The following STK40 variants were observed in gnomAD, a reference collection of about 807,000 sequenced individuals.
STK40 encodes serine/threonine kinase 40.
A neutral mutation model predicts 47.9 loss-of-function variants in STK40; 13 were observed. That is an observed-to-expected ratio of 0.27 (90% CI 0.18 to 0.43). STK40 has a LOEUF of 0.43. Among genes scored for constraint, STK40 ranks in the 20% least tolerant of loss-of-function variants. STK40 has a pLI of 1.00. For synonymous variants in STK40, 225 were observed against 243.2 expected, an observed-to-expected ratio of 0.93 and a Z score of 0.69; for missense variants, 460 against 595.1, an observed-to-expected ratio of 0.77 and a Z score of 2.36.
intron 6 of STK40, among the ~76,000 whole-genome samples, chr1:36,351,292 CT>C (rs1049822331): frequency 6.8e-6 from 1 of 147,922 alleles, no homozygotes; most frequent in Admixed American, 6.6e-5. Context: ...ACACCTCCCC[CT>C]GTCTGCTCCT....
intron 2 of STK40, among the ~76,000 whole-genome samples, 170 bp downstream of exon 2, chr1:36,361,049 CAT>C (rs1392858521): frequency 6.6e-6 from 1 of 152,194 alleles, no homozygotes; most frequent in African/African-American, 2.4e-5. Flanking sequence ...CTGATATAAA[CAT>C]ATTCTGTTTC....
Position 36,369,164 on chromosome 1 carries a change from T to TG in STK40, c.-8-7825dup, listed in dbSNP as rs200581432. On this transcript the variant is annotated intron_variant, in intron 1 of 10. Transcript: ENST00000373132. ...ACTGTGCTATTATCAAAGAATTGGT[T>TG]GGGGGGGCGGGGCCTCCATGCAATC... 8.9e-3 allele frequency among the ~76,000 whole-genome samples: 1,362 copies of TG among 152,196 alleles called. 20 individuals carry two copies. Among genetic ancestry groups the TG allele is most frequent in the African/African-American group, 0.031 (1,279 of 41,520 alleles).
rs115248094 is a variant in STK40 at position 36,365,674 on chromosome 1, C to T, written c.-8-4334G>A. Among the ~76,000 whole-genome samples the T allele has an allele frequency of 8.6e-3, 1,308 of 152,296 alleles. 18 individuals are homozygous for T. Among genetic ancestry groups the T allele is most frequent in the African/African-American group, 0.029 (1,224 of 41,570 alleles). On this transcript the variant is annotated intron_variant, in intron 1 of 10. Transcript: ENST00000373132. The stretch of plus-strand genomic sequence containing the variant: ...CTGCTCTTTGCTTGCCTAACTCCTA[C>T]GCATCCTTCTCAATCTAAGTATCAC...
intron 2 of STK40, among the ~76,000 whole-genome samples, chr1:36,360,588 T>C (rs983430266): frequency 6.6e-6 from 1 of 152,086 alleles, no homozygotes; most frequent in African/African-American, 2.4e-5. Context: ...TAGGCTGGAA[T>C]GCAGTGGCGT....
chr1:36,351,453 C>G (rs572683750), intron 6 of STK40, among the ~76,000 whole-genome samples: 1 of 152,008 alleles, frequency 6.6e-6, no homozygotes, highest in Non-Finnish European at 1.5e-5. Flanking sequence ...GGCCCCAGAG[C>G]GGAGGGTGTG....
At chr1:36,364,913 G>T (rs868202246) in intron 1 of STK40, among the ~76,000 whole-genome samples, 4 of 151,312 alleles carry the variant, frequency 2.6e-5, no homozygotes, top group Non-Finnish European at 4.4e-5. Context: ...CCTGGAAGCC[G>T]TCTCCTACTC....
intron 6 of STK40, among the ~76,000 whole-genome samples, chr1:36,353,293 G>A (rs1312729228): frequency 6.6e-6 from 1 of 152,234 alleles, no homozygotes; most frequent in Non-Finnish European, 1.5e-5. Flanking sequence ...TGCATTTCAA[G>A]GATCATGGTA....
At chr1:36,366,415 A>G (rs1473747552) in intron 1 of STK40, among the ~76,000 whole-genome samples, 1 of 152,152 alleles carries the variant, frequency 6.6e-6, no homozygotes, top group Non-Finnish European at 1.5e-5. Flanking sequence ...CCACCCCTTC[A>G]TGCTACCCAG....
At chr1:36,353,637 GAGA>G (rs1419011837) in intron 6 of STK40, among the ~76,000 whole-genome samples, 1 of 152,204 alleles carries the variant, frequency 6.6e-6, no homozygotes, top group Non-Finnish European at 1.5e-5. Flanking sequence ...CCTTGCCTAA[GAGA>G]ATGCCCCTCC....
chr1:36,348,170 A>C (rs766593037), intron 7 of STK40, among the ~76,000 whole-genome samples: 8 of 152,270 alleles, frequency 5.3e-5, no homozygotes, highest in Non-Finnish European at 7.3e-5. Flanking sequence ...CACTCAGTTA[A>C]GAACTGTTCA....
rs1553135169 is a variant in STK40, at chr1:36,345,968, C to CATATATAT, written c.740-1712_740-1705dup. Among the ~76,000 whole-genome samples the CATATATAT allele has an allele frequency of 3.4e-3, 102 of 29,904 alleles. 9 individuals carry two copies. Among genetic ancestry groups the CATATATAT allele is most frequent in the African/African-American group, 7.3e-3 (53 of 7,306 alleles). The allele number at this position is 29,904 out of a possible 152,430, so 19.6% of individuals were successfully genotyped here. ...GCCAAACACTAGGTTAAGGGCATTA[C>CATATATAT]ATATATATATATATATATATATATT... is the stretch of plus-strand genomic sequence containing the variant. On this transcript the variant is annotated intron_variant, in intron 7 of 10. Transcript: ENST00000373132.
chr1:36,375,324 C>T (rs1436159203), intron 1 of STK40, among the ~76,000 whole-genome samples: 9 of 151,164 alleles, frequency 6.0e-5, no homozygotes, highest in East Asian at 3.9e-4. Context: ...ATGGCCAACA[C>T]GGTGAAACCC....
intron 1 of STK40, among the ~76,000 whole-genome samples, chr1:36,379,807 T>C (rs1348475066): frequency 6.6e-6 from 1 of 152,090 alleles, no homozygotes; most frequent in Non-Finnish European, 1.5e-5. Flanking sequence ...AAAGGAGACC[T>C]AGAAATTCTT....
intron 1 of STK40, among the ~76,000 whole-genome samples, chr1:36,379,298 C>T (rs1274702588): frequency 2.6e-5 from 4 of 152,180 alleles, no homozygotes; most frequent in Non-Finnish European, 4.4e-5. Context: ...TCCTTTGAAA[C>T]CGTCAGGCCT....
At position 36,358,712 on chromosome 1, in the gene STK40, ACCCTCACC is replaced by A; in HGVS notation, c.198+17_198+24del. On this transcript the variant is annotated intron_variant, in intron 3 of 10. Transcript: ENST00000373132. ...GCATGACAGGCCCTGTTCCTGAGGC[ACCCTCACC>A]CCCATGTCTCACTTACCTTCAGCTG... is the stretch of plus-strand genomic sequence containing the variant. 1 of 1,612,626 alleles carries A rather than the reference ACCCTCACC, an allele frequency of 6.2e-7. No homozygotes were observed.
In STK40 at chr1:36,361,694, G is replaced by C. The variant is rs527870879; in HGVS notation, c.-8-354C>G. Among the ~76,000 whole-genome samples the C allele has an allele frequency of 2.6e-5, 4 of 152,248 alleles. No homozygotes were observed. In the South Asian group the frequency reaches 6.2e-4, roughly 24 times the overall value. On this transcript the variant is annotated intron_variant, in intron 1 of 10. Transcript: ENST00000373132. ...GCCCCAAGAGACTACCACAGAGACAGAGAGGAGAGCCAGCCCCATCCAGCT... is the reference window on the plus strand; with the variant it reads ...GCCCCAAGAGACTACCACAGAGACACAGAGGAGAGCCAGCCCCATCCAGCT...
chr1:36,364,159 A>C (rs114053565), intron 1 of STK40, among the ~76,000 whole-genome samples: 1,691 of 152,276 alleles, frequency 0.011, 23 homozygotes, highest in African/African-American at 0.039. Context: ...TCAAAAGAAA[A>C]AACAACAACA....
intron 1 of STK40, chr1:36,366,125 T>A (rs1030886501): frequency 1.3e-5 from 2 of 152,304 alleles, no homozygotes; most frequent in African/African-American, 2.4e-5. Context: ...CTTTCCCAGG[T>A]CCCTGGAGAC....
intron 6 of STK40, among the ~76,000 whole-genome samples, chr1:36,353,728 A>C (rs1377054136): frequency 6.6e-6 from 1 of 151,872 alleles, no homozygotes; most frequent in Non-Finnish European, 1.5e-5. Flanking sequence ...AGGCCATCCC[A>C]CTCTCGAGTT....
Sources: allele counts gnomAD v4.1 joint callset (sites outside exome capture counted in the v4.1 genomes callset), GRCh38; gene constraint gnomAD v4.1.1; transcripts MANE v1.5; gene names NCBI Gene and HGNC (gene_info 2026-07-23, HGNC 2026-07-21).